Variants in DNAAF9 observed in about 807,000 individuals in gnomAD.
DNAAF9 encodes dynein axonemal assembly factor 9.
DNAAF9 carries 90 observed loss-of-function variants against 167.0 expected under a neutral mutation model. That is an observed-to-expected ratio of 0.54 (90% confidence interval 0.45 to 0.64). The LOEUF is 0.64. DNAAF9 is among the 30% of genes least tolerant of loss of function. DNAAF9 has a pLI of 0.00. For missense variants in DNAAF9, 1,315 were observed against 1,442.2 expected, an observed-to-expected ratio of 0.91 and a Z score of 1.43; for synonymous variants, 491 against 508.8, an observed-to-expected ratio of 0.96 and a Z score of 0.47.
intron 3 of DNAAF9, among the ~76,000 whole-genome samples, chr20:3,380,195 G>A (rs77130911): frequency 0.047 from 7,198 of 152,244 alleles, 269 homozygotes; most frequent in African/African-American, 0.1. Flanking sequence ...TGCCAAGATT[G>A]CTTTTTTCTA....
chr20:3,368,248 AC>A (rs1302626175), intron 6 of DNAAF9, among the ~76,000 whole-genome samples: 1 of 152,130 alleles, frequency 6.6e-6, no homozygotes, highest in East Asian at 1.9e-4. Context: ...GCTGGGCACC[AC>A]CTGGATCCTC....
At chr20:3,263,738 G>A (rs2068435475) in intron 31 of DNAAF9, among the ~76,000 whole-genome samples, 1 of 152,246 alleles carries the variant, frequency 6.6e-6, no homozygotes. Context: ...GTTGGACACG[G>A]TAGCTGCCAG....
rs933771160 is a variant in DNAAF9, at chr20:3,264,034, A to G, written c.2873+404T>C. On this transcript the variant is annotated intron_variant, in intron 31 of 36. Transcript: ENST00000252032. The stretch of plus-strand genomic sequence containing the variant: ...TCCTACAGAGAACATTCCCTGGGCC[A>G]TATGAGCAGGGAACCCAGCAGATGG... Among the ~76,000 whole-genome samples, 71 of 152,224 alleles carry G rather than the reference A, an allele frequency of 4.7e-4. 1 individual carries two copies. The highest frequency in any genetic ancestry group is 3.2e-4 in the Non-Finnish European group (22 of 68,034).
intron 21 of DNAAF9, among the ~76,000 whole-genome samples, chr20:3,301,631 G>T (rs2069191399): frequency 1.3e-5 from 2 of 152,052 alleles, no homozygotes; most frequent in African/African-American, 4.8e-5. Context: ...GTTCTCCTCT[G>T]CCAACAGTTC....
At position 3,349,249 on chromosome 20, in the gene DNAAF9, G is replaced by C. The variant is rs147793658; in HGVS notation, c.691-626C>G. Among the ~76,000 whole-genome samples the C allele has an allele frequency of 4.4e-3, 666 of 150,556 alleles. 1 individual carries two copies. Among genetic ancestry groups the C allele is most frequent in the Middle Eastern group, 6.8e-3 (2 of 294 alleles). Reference sequence around the variant, plus strand: ...TGAAAAAAACGAGCTGAGCTTGGTGGTGCGCACCTGTTGTCCCAGCTACTC... The same window carrying C: ...TGAAAAAAACGAGCTGAGCTTGGTGCTGCGCACCTGTTGTCCCAGCTACTC... On this transcript the variant is annotated intron_variant, in intron 7 of 36. Coordinates refer to ENST00000252032, the MANE Select transcript of DNAAF9 (RefSeq NM_001009984.3).
At position 3,294,639 on chromosome 20, in the gene DNAAF9, CAA is replaced by C; in HGVS notation, c.2019-12_2019-11del. 1 of 1,552,680 alleles carries C rather than the reference CAA, an allele frequency of 6.4e-7. No individual in the cohort carries two copies. Among genetic ancestry groups the C allele is most frequent in the Non-Finnish European group, 8.9e-7 (1 of 1,124,134 alleles). ...CTGTGCACTGGAGTGCCTGGAATAA[CAA>C]AAGCTCACAGATTAGAAGTCCATCT... On this transcript the variant is annotated splice_polypyrimidine_tract_variant and intron_variant, in intron 23 of 36. Coordinates refer to ENST00000252032, the MANE Select transcript of DNAAF9 (RefSeq NM_001009984.3).
chr20:3,388,146 G>C (rs1470643509), intron 1 of DNAAF9, among the ~76,000 whole-genome samples: 1 of 150,762 alleles, frequency 6.6e-6, no homozygotes, highest in Non-Finnish European at 1.5e-5. Context: ...CACATGAAAA[G>C]AAACTCAACA....
intron 1 of DNAAF9, among the ~76,000 whole-genome samples, chr20:3,402,488 C>T (rs1335837031): frequency 6.6e-6 from 1 of 152,012 alleles, no homozygotes; most frequent in African/African-American, 2.4e-5. Context: ...TTCCCCTATC[C>T]AACTAAAATT....
At chr20:3,371,578 C>T (rs915933680) in intron 6 of DNAAF9, among the ~76,000 whole-genome samples, 4 of 151,938 alleles carry the variant, frequency 2.6e-5, no homozygotes, top group African/African-American at 9.7e-5. Context: ...CTGCTGACCT[C>T]GTGATCCGCC....
rs1436110309 is a variant in DNAAF9, at chr20:3,297,082, C to T, written c.1930-133G>A. On this transcript the variant is annotated intron_variant, in intron 22 of 36. Coordinates refer to ENST00000252032, the MANE Select transcript of DNAAF9 (RefSeq NM_001009984.3). ...AAAATGACTATAACAAACAAGTTTG[C>T]TTCAAAAATAGAGGCCTGAAGCAAT... 9 of 639,672 alleles carry T rather than the reference C, an allele frequency of 1.4e-5. No homozygotes were observed. The Admixed American group carries it at 1.9e-4, about 14-fold the overall frequency. 39.6% of individuals were successfully genotyped at this position (639,672 alleles called of 1,614,324 possible).
chr20:3,274,513 G>A (rs751735981), intron 29 of DNAAF9, among the ~76,000 whole-genome samples: 1 of 152,180 alleles, frequency 6.6e-6, no homozygotes, highest in Non-Finnish European at 1.5e-5. Flanking sequence ...GGCATTTAGA[G>A]CCAGGTGAAC....
At chr20:3,396,494 G>A (rs1370121615) in intron 1 of DNAAF9, among the ~76,000 whole-genome samples, 2 of 152,170 alleles carry the variant, frequency 1.3e-5, no homozygotes, top group Non-Finnish European at 1.5e-5. Context: ...AAGGGAGGGA[G>A]GCGTGAGAGA....
chr20:3,317,021 A>G (rs1174018967), intron 17 of DNAAF9, among the ~76,000 whole-genome samples: 5 of 150,152 alleles, frequency 3.3e-5, no homozygotes. Flanking sequence ...CATCCTCCCG[A>G]ATAGCTGGGA....
At chr20:3,385,513 A>G (rs1431350813) in intron 1 of DNAAF9, among the ~76,000 whole-genome samples, 1 of 151,734 alleles carries the variant, frequency 6.6e-6, no homozygotes, top group East Asian at 1.9e-4. Flanking sequence ...TAACTCCCGG[A>G]CTCATGGGCT....
Position 3,322,640 on chromosome 20 carries a change from T to C in DNAAF9, c.1310+12A>G, listed in dbSNP as rs778449080. 6.2e-7 allele frequency: 1 copy of C among 1,603,368 alleles called. No individual in the cohort carries two copies. Among genetic ancestry groups the C allele is most frequent in the Admixed American group, 1.7e-5 (1 of 60,010 alleles). ...TGCTCCATGTAAGGATGCACCACAATCATATACGCACCTTCCCTGATTATT... is the reference window on the plus strand; with the variant it reads ...TGCTCCATGTAAGGATGCACCACAACCATATACGCACCTTCCCTGATTATT... On this transcript the variant is annotated intron_variant, in intron 15 of 36. Transcript: ENST00000252032.
chr20:3,266,668 G>A (rs2068495650), intron 30 of DNAAF9, among the ~76,000 whole-genome samples: 1 of 151,574 alleles, frequency 6.6e-6, no homozygotes, highest in South Asian at 2.1e-4. Flanking sequence ...TAGTAGAGAT[G>A]GGGTTTCACC....
chr20:3,315,362 C>T lies in DNAAF9; in HGVS notation c.1591-242G>A, dbSNP rs761064266. On this transcript the variant is annotated intron_variant, in intron 19 of 36. Transcript: ENST00000252032. This position sits in a 1 kb window ranked among gnomAD's most constrained non-coding sequence, Gnocchi z 4.1. ...CTCTCTGAGTCCAGGCATCAAAGCC[C>T]GCAATGCTTGTTCATGTTCCAGTGG... 1.1e-4 allele frequency among the ~76,000 whole-genome samples: 17 copies of T among 152,208 alleles called. No individual in the cohort carries two copies. The highest frequency in any genetic ancestry group is 5.8e-4 in the East Asian group (3 of 5,196).
chr20:3,386,451 T>G (rs911146538), intron 1 of DNAAF9, among the ~76,000 whole-genome samples: 10 of 152,142 alleles, frequency 6.6e-5, no homozygotes, highest in Non-Finnish European at 1.3e-4. Context: ...AACCTCAACC[T>G]TACACATTAT....
At chr20:3,305,134 C>T (rs1487354232) in intron 20 of DNAAF9, among the ~76,000 whole-genome samples, 1 of 152,108 alleles carries the variant, frequency 6.6e-6, no homozygotes, top group African/African-American at 2.4e-5. Context: ...GTGGGTTCCT[C>T]GGAACAAGGA....
Sources: gnomAD v4.1 joint callset for allele counts (sites outside exome capture counted in the v4.1 genomes callset) on GRCh38, gnomAD v4.1.1 for gene constraint, Gnocchi (gnomAD v3.1) non-coding constraint, MANE v1.5 for transcripts, NCBI Gene and HGNC (gene_info 2026-07-23, HGNC 2026-07-21) for gene names.